The following BLTP3B variants were observed in gnomAD, a reference collection of about 807,000 sequenced individuals.
BLTP3B encodes the protein bridge-like lipid transfer protein family member 3B.
the BLTP3B span, chr12:100,048,009 T>G: frequency 6.2e-7 from 1 of 1,604,388 alleles, no homozygotes; most frequent in African/African-American, 1.3e-5. Context: ...CAGTTTCATC[T>G]TCCAAAAAAT....
chr12:100,141,463 G>T, the BLTP3B span, among the ~76,000 whole-genome samples: 1 of 147,660 alleles, frequency 6.8e-6, no homozygotes, highest in South Asian at 2.2e-4. Flanking sequence ...ACACACACAC[G>T]CTGCTATACT....
At chr12:100,059,879 C>T in the BLTP3B span, 3 of 1,611,962 alleles carry the variant, frequency 1.9e-6, no homozygotes, top group Non-Finnish European at 2.5e-6. Flanking sequence ...ACTCGAACAT[C>T]AACATGCTCG....
chr12:100,073,281 G>A, the BLTP3B span, among the ~76,000 whole-genome samples: 10 of 151,710 alleles, frequency 6.6e-5, no homozygotes, highest in African/African-American at 1.9e-4. Flanking sequence ...AAAAATTCTG[G>A]AGACAAATAA....
At chr12:100,058,649 C>T in the BLTP3B span, 13 of 1,614,018 alleles carry the variant, frequency 8.1e-6, no homozygotes, top group South Asian at 1.4e-4. Flanking sequence ...TTGCTTGATC[C>T]ACTGGATGGA....
chr12:100,059,717 C>T, the BLTP3B span: 1 of 1,129,342 alleles, frequency 8.9e-7, no homozygotes, highest in Non-Finnish European at 1.2e-6. Flanking sequence ...AGGGGACTTA[C>T]ATGACCACTA....
chr12:100,086,148 GA>G, the BLTP3B span: 1 of 544,648 alleles, frequency 1.8e-6, no homozygotes, highest in Non-Finnish European at 2.9e-6. Context: ...ACTGCCAGGA[GA>G]AAAATACCAA....
At chr12:100,066,934 A>G in the BLTP3B span, among the ~76,000 whole-genome samples, 4 of 152,290 alleles carry the variant, frequency 2.6e-5, no homozygotes, top group Non-Finnish European at 4.4e-5. Flanking sequence ...AGACCATATG[A>G]TAGGCCACAA....
the BLTP3B span, among the ~76,000 whole-genome samples, chr12:100,135,546 G>A: frequency 2.0e-5 from 3 of 151,990 alleles, no homozygotes; most frequent in Admixed American, 6.6e-5. Context: ...TGGGATTACA[G>A]GTGAGACACC....
At chr12:100,060,094 C>CCTG in the BLTP3B span, 1 of 1,380,962 alleles carries the variant, frequency 7.2e-7, no homozygotes, top group African/African-American at 1.5e-5. Context: ...GGTTCTAAAT[C>CCTG]TTCCCTGAGA....
At chr12:100,139,939 G>A in the BLTP3B span, among the ~76,000 whole-genome samples, 552 of 152,262 alleles carry the variant, frequency 3.6e-3, 5 homozygotes, top group African/African-American at 0.013. Flanking sequence ...CCTTTGAGAA[G>A]GTGCAATGGG....
chr12:100,060,679 C>G, the BLTP3B span, among the ~76,000 whole-genome samples: 3 of 152,172 alleles, frequency 2.0e-5, no homozygotes, highest in African/African-American at 7.2e-5. Context: ...TCTTTCATAG[C>G]TCTCCTAAAA....
chr12:100,132,902 T>C, the BLTP3B span, among the ~76,000 whole-genome samples: 3 of 151,664 alleles, frequency 2.0e-5, no homozygotes, highest in African/African-American at 7.3e-5. Flanking sequence ...GAGCTGAGAT[T>C]GTGCCACTAT....
the BLTP3B span, among the ~76,000 whole-genome samples, chr12:100,063,232 G>C: frequency 6.6e-6 from 1 of 152,138 alleles, no homozygotes; most frequent in African/African-American, 2.4e-5. Flanking sequence ...GGACCTGAGA[G>C]ACAACCCAAA....
At chr12:100,115,606 CA>C in the BLTP3B span, among the ~76,000 whole-genome samples, 1 of 151,860 alleles carries the variant, frequency 6.6e-6, no homozygotes, top group Non-Finnish European at 1.5e-5. Context: ...CTTGTCTCTA[CA>C]AAAAATTTTT....
chr12:100,075,015 CTT>C, the BLTP3B span, among the ~76,000 whole-genome samples: 11 of 140,078 alleles, frequency 7.9e-5, no homozygotes, highest in African/African-American at 8.2e-5. Context: ...CTACACCTTC[CTT>C]TTTTTTTTTT....
At chr12:100,102,429 A>AAC in the BLTP3B span, among the ~76,000 whole-genome samples, 2 of 152,104 alleles carry the variant, frequency 1.3e-5, no homozygotes, top group Admixed American at 6.6e-5. Context: ...TTAACTCTTA[A>AAC]GAGTCATAAA....
the BLTP3B span, among the ~76,000 whole-genome samples, chr12:100,074,824 AC>A: frequency 3.9e-5 from 6 of 152,320 alleles, no homozygotes; most frequent in African/African-American, 1.4e-4. Flanking sequence ...TGGTACTGAT[AC>A]AAAAACAGAG....
At chr12:100,118,384 C>A in the BLTP3B span, among the ~76,000 whole-genome samples, 1 of 150,948 alleles carries the variant, frequency 6.6e-6, no homozygotes, top group East Asian at 1.9e-4. Context: ...TGAGTGAGAC[C>A]GTCTCAAAAC....
chr12:100,141,370 A>G, the BLTP3B span, among the ~76,000 whole-genome samples: 1 of 151,770 alleles, frequency 6.6e-6, no homozygotes, highest in Non-Finnish European at 1.5e-5. Context: ...ACACATATAT[A>G]TGTAGTACAC....
Sources: allele counts gnomAD v4.1 joint callset (sites outside exome capture counted in the v4.1 genomes callset), GRCh38; gene constraint gnomAD v4.1.1; transcripts MANE v1.5; gene names NCBI Gene and HGNC (gene_info 2026-07-23, HGNC 2026-07-21).